Variants in L2HGDH observed in about 807,000 individuals in gnomAD.
L2HGDH encodes the protein L-2-hydroxyglutarate dehydrogenase, mitochondrial.
Under a neutral mutation model 51.5 loss-of-function variants are expected in L2HGDH, and 34 were observed. The observed-to-expected ratio is 0.66, with a 90% CI of 0.50 to 0.88. The LOEUF is 0.88. Ranked by LOEUF, L2HGDH falls within the 40% of genes least tolerant of loss-of-function variation. The pLI is 0.00. For missense variants in L2HGDH, 558 were observed against 571.9 expected, an observed-to-expected ratio of 0.98 and a Z score of 0.25; for synonymous variants, 198 against 197.9, an observed-to-expected ratio of 1.00 and a Z score of -0.01.
At position 50,244,372 on chromosome 14, in the gene L2HGDH, A is replaced by T. The variant is rs1887914603; in HGVS notation, c.*2686T>A. The T allele has an allele frequency of 1.0e-6, 1 of 984,964 alleles. No individual in the cohort carries two copies. Among genetic ancestry groups the T allele is most frequent in the Non-Finnish European group, 1.2e-6 (1 of 829,652 alleles). 61.0% of individuals were successfully genotyped at this position (984,964 alleles called of 1,614,324 possible). A position where few individuals can be genotyped will look rare whatever the true frequency, so the allele number is the denominator to read the frequency against. ...GTTTCCTTTTCAGGGTATTGTACAGACTCAAATGGATTGAGGACTGCTTCA... is the reference window on the plus strand; with the variant it reads ...GTTTCCTTTTCAGGGTATTGTACAGTCTCAAATGGATTGAGGACTGCTTCA... On this transcript the variant is annotated 3_prime_UTR_variant, in exon 10 of 10. Coordinates refer to ENST00000267436, the MANE Select transcript of L2HGDH (RefSeq NM_024884.3).
At chr14:50,286,854 AAG>A (rs1394780490) in intron 4 of L2HGDH, among the ~76,000 whole-genome samples, 4 of 152,212 alleles carry the variant, frequency 2.6e-5, no homozygotes, top group Non-Finnish European at 5.9e-5. Context: ...ACATTGGTAT[AAG>A]AGAGAGTACC....
intron 9 of L2HGDH, among the ~76,000 whole-genome samples, chr14:50,260,259 C>T (rs1368403284): frequency 6.6e-6 from 1 of 151,352 alleles, no homozygotes; most frequent in East Asian, 1.9e-4. Context: ...TATAGCCTTT[C>T]AAGAGCCCCT....
chr14:50,251,739 A>G (rs975056141), intron 9 of L2HGDH, among the ~76,000 whole-genome samples: 1 of 152,158 alleles, frequency 6.6e-6, no homozygotes, highest in African/African-American at 2.4e-5. Flanking sequence ...GTGCTGAAGG[A>G]AAAAACCCTT....
In L2HGDH at chr14:50,261,432, G is replaced by A. The variant is rs757042164; in HGVS notation, c.1196+3926C>T. Among the ~76,000 whole-genome samples the A allele has an allele frequency of 2.6e-5, 4 of 152,266 alleles. No individual in the cohort carries two copies. The East Asian group carries it at 7.7e-4, about 29-fold the overall frequency. On this transcript the variant is annotated intron_variant, in intron 9 of 9. Transcript: ENST00000267436. Reference sequence around the variant, plus strand: ...TTTACAGTGCTAACAGATACAAACTGCTGTTAGATTAACATGTCAAAATTA... The same window carrying A: ...TTTACAGTGCTAACAGATACAAACTACTGTTAGATTAACATGTCAAAATTA...
rs772567865 is a variant in L2HGDH at position 50,278,513 on chromosome 14, TC to T, written c.738+6del. ...AGTAGCCAGCAGTTTTGCTTAAGAA[TC>T]TTTACCTTTGTATTCTTTATAACAA... On this transcript the variant is annotated splice_donor_region_variant and intron_variant, in intron 6 of 9. Transcript: ENST00000267436. 2.8e-5 allele frequency: 42 copies of T among 1,482,652 alleles called. No individual in the cohort carries two copies. The highest frequency in any genetic ancestry group is 3.7e-5 in the Non-Finnish European group (40 of 1,067,068). 91.8% of individuals were successfully genotyped at this position (1,482,652 alleles called of 1,614,324 possible). A position where few individuals can be genotyped will look rare whatever the true frequency, so the allele number is the denominator to read the frequency against.
intron 6 of L2HGDH, among the ~76,000 whole-genome samples, chr14:50,276,222 A>C (rs1490962927): frequency 6.6e-6 from 1 of 152,256 alleles, no homozygotes; most frequent in East Asian, 1.9e-4. Context: ...TTCAGGAATG[A>C]AAGTTTGAGC....
intron 9 of L2HGDH, among the ~76,000 whole-genome samples, chr14:50,263,137 T>G (rs1248987870): frequency 6.6e-6 from 1 of 152,242 alleles, no homozygotes; most frequent in Non-Finnish European, 1.5e-5. Flanking sequence ...TCACTGCAAC[T>G]ATTTTTATAC....
intron 3 of L2HGDH, among the ~76,000 whole-genome samples, chr14:50,298,928 G>A (rs2030244998): frequency 6.6e-6 from 1 of 151,960 alleles, no homozygotes; most frequent in Non-Finnish European, 1.5e-5. Context: ...TAAAAAACTA[G>A]AAAAGCAAGA....
At chr14:50,252,304 C>T (rs1030333884) in intron 9 of L2HGDH, among the ~76,000 whole-genome samples, 1 of 151,872 alleles carries the variant, frequency 6.6e-6, no homozygotes, top group African/African-American at 2.4e-5. Flanking sequence ...GAAATTAAAA[C>T]ATACCATCAG....
rs529356893 is a variant in L2HGDH at position 50,280,480 on chromosome 14, T to C, written c.704-1926A>G. ...GCGCCTCCCAGGTCACTGCTTTATATAGACATATTTACAGCTATCAATAAA... is the reference window on the plus strand; with the variant it reads ...GCGCCTCCCAGGTCACTGCTTTATACAGACATATTTACAGCTATCAATAAA... On this transcript the variant is annotated intron_variant, in intron 5 of 9. Coordinates refer to ENST00000267436, the MANE Select transcript of L2HGDH (RefSeq NM_024884.3). 1.4e-3 allele frequency among the ~76,000 whole-genome samples: 207 copies of C among 152,170 alleles called. 6 individuals carry two copies. The highest frequency in any genetic ancestry group is 9.9e-4 in the African/African-American group (41 of 41,530).
At chr14:50,248,594 G>A (rs1250097224) in intron 9 of L2HGDH, among the ~76,000 whole-genome samples, 1 of 152,184 alleles carries the variant, frequency 6.6e-6, no homozygotes, top group Non-Finnish European at 1.5e-5. Context: ...TTCGTAGAGA[G>A]GTAAATAAGA....
chr14:50,297,138 C>T (rs1365648053), intron 3 of L2HGDH, among the ~76,000 whole-genome samples: 1 of 152,162 alleles, frequency 6.6e-6, no homozygotes, highest in African/African-American at 2.4e-5. Flanking sequence ...AGGGAATCCA[C>T]AGCTAACATC....
At position 50,247,179 on chromosome 14, in the gene L2HGDH, C is replaced by G; in HGVS notation, c.1271G>C (p.Gly424Ala). The G allele has an allele frequency of 6.2e-7, 1 of 1,614,170 alleles. No homozygotes were observed. Among genetic ancestry groups the G allele is most frequent in the East Asian group, 2.2e-5 (1 of 44,882 alleles). Residue 424 changes from glycine to alanine, a missense_variant, in exon 10 of 10, where the codon GGA (glycine) becomes GCA (alanine). Gly to Ala is a moderately conservative substitution (Grantham distance 60). Transcript: ENST00000267436. The part of the protein sequence containing the change: ...NLVEDFVFDA[G>A]VGDIGNRILH... The stretch of plus-strand genomic sequence containing the variant: ...AATGCGATTTCCAATATCCCCAACT[C>G]CTGCATCAAATACAAAATCTTCTAC...
chr14:50,311,407 T>A (rs1301013885), intron 1 of L2HGDH: 1 of 455,916 alleles, frequency 2.2e-6, no homozygotes, highest in African/African-American at 2.0e-5. Flanking sequence ...TCTCCAAGCC[T>A]TACAGCCTTC....
At chr14:50,285,966 C>T (rs1419822312) in intron 4 of L2HGDH, among the ~76,000 whole-genome samples, 2 of 152,180 alleles carry the variant, frequency 1.3e-5, no homozygotes, top group Non-Finnish European at 2.9e-5. Flanking sequence ...ACCATGCAAT[C>T]CAATGCTCTG....
chr14:50,243,394 G>A lies in L2HGDH; in HGVS notation c.*3664C>T, dbSNP rs1194371264. Reference sequence around the variant, plus strand: ...AAAGGTTGGCTGCTATCTATCTAAAGCAAACAGTTTATGTTTTACACATAA... The same window carrying A: ...AAAGGTTGGCTGCTATCTATCTAAAACAAACAGTTTATGTTTTACACATAA... On this transcript the variant is annotated 3_prime_UTR_variant, in exon 10 of 10. Coordinates refer to ENST00000267436, the MANE Select transcript of L2HGDH (RefSeq NM_024884.3). 2.0e-6 allele frequency: 2 copies of A among 981,128 alleles called. No individual in the cohort carries two copies. The highest frequency in any genetic ancestry group is 2.4e-6 in the Non-Finnish European group (2 of 826,486). 60.8% of individuals were successfully genotyped at this position (981,128 alleles called of 1,614,324 possible). A position where few individuals can be genotyped will look rare whatever the true frequency, so the allele number is the denominator to read the frequency against.
intron 9 of L2HGDH, among the ~76,000 whole-genome samples, chr14:50,252,591 C>G (rs560259267): frequency 2.3e-4 from 35 of 151,722 alleles, no homozygotes; most frequent in Non-Finnish European, 4.1e-4. Context: ...AAAAGATATT[C>G]CATGACAATG....
intron 2 of L2HGDH, 133 bp from the exon 3 acceptor site, chr14:50,302,301 A>T: frequency 1.1e-6 from 1 of 893,772 alleles, no homozygotes; most frequent in Non-Finnish European, 1.8e-6. Context: ...TGTTCAGATC[A>T]CTGGTAACTT....
At chr14:50,291,902 T>C (rs1890904828) in intron 4 of L2HGDH, among the ~76,000 whole-genome samples, 1 of 152,150 alleles carries the variant, frequency 6.6e-6, no homozygotes, top group Non-Finnish European at 1.5e-5. Flanking sequence ...AATGTCTGGG[T>C]ATAAAAAGTC....
Sources: allele counts gnomAD v4.1 joint callset (sites outside exome capture counted in the v4.1 genomes callset), GRCh38; gene constraint gnomAD v4.1.1; transcripts MANE v1.5; gene names NCBI Gene and HGNC (gene_info 2026-07-23, HGNC 2026-07-21).